DAB1: variants seen among roughly 807,000 people sequenced by gnomAD.
DAB1 encodes disabled homolog 1.
In DAB1, 15 loss-of-function variants were observed where a neutral mutation model predicts 64.6. The ratio of observed to expected loss-of-function variants is 0.23; its 90% CI spans 0.16 to 0.36. DAB1 has a LOEUF of 0.36. Among genes scored for constraint, DAB1 ranks in the 10% least tolerant of loss-of-function variants. DAB1 has a pLI of 1.00. For missense variants in DAB1, 596 were observed against 706.7 expected (o/e 0.84, Z 1.78); for synonymous variants, 235 against 251.9 (o/e 0.93, Z 0.64).
intron 5 of DAB1, among the ~76,000 whole-genome samples, chr1:58,126,982 G>A (rs1323793796): frequency 6.7e-6 from 1 of 149,522 alleles, no homozygotes; most frequent in Non-Finnish European, 1.5e-5. Context: ...CCAGTAATGG[G>A]ATGGCTGGGT....
chr1:58,056,510 G>A, intron 5 of DAB1: 1 of 1,131,892 alleles, frequency 8.8e-7, no homozygotes, highest in African/African-American at 1.5e-5. Flanking sequence ...GAGAGCTCAT[G>A]TGCATTCTTA....
chr1:57,289,355 GA>G (rs2100658598), intron 2 of DAB1, among the ~76,000 whole-genome samples: 1 of 152,342 alleles, frequency 6.6e-6, no homozygotes, highest in East Asian at 1.9e-4. Context: ...AGTTTCCACT[GA>G]AAAAGCATTT....
intron 7 of DAB1, among the ~76,000 whole-genome samples, chr1:57,496,131 T>C (rs1178078971): frequency 1.3e-5 from 2 of 152,236 alleles, no homozygotes; most frequent in Non-Finnish European, 2.9e-5. Flanking sequence ...GCAGTCTTAA[T>C]ACTGAAATAC....
At chr1:58,350,865 T>A (rs549400868) in intron 3 of DAB1, among the ~76,000 whole-genome samples, 2 of 152,206 alleles carry the variant, frequency 1.3e-5, no homozygotes, top group Non-Finnish European at 2.9e-5. Context: ...TATAGTCTTG[T>A]AGTATAGTTT....
intron 2 of DAB1, among the ~76,000 whole-genome samples, chr1:57,188,582 G>T (rs1663826980): frequency 6.6e-6 from 1 of 152,156 alleles, no homozygotes; most frequent in Non-Finnish European, 1.5e-5. Flanking sequence ...CATCAAAGAT[G>T]ATATGGTGTG....
chr1:57,136,741 T>C, intron 3 of DAB1, 100 bp from the exon 4 acceptor site: 1 of 573,290 alleles, frequency 1.7e-6, no homozygotes, highest in Non-Finnish European at 2.9e-6. Flanking sequence ...ATGCCACCAA[T>C]CATGCACACT....
At chr1:57,437,550 C>T (rs1228862705) in intron 7 of DAB1, among the ~76,000 whole-genome samples, 2 of 152,074 alleles carry the variant, frequency 1.3e-5, no homozygotes, top group South Asian at 2.1e-4. Flanking sequence ...AACTGTAATT[C>T]TTCATTGTGT....
intron 6 of DAB1, among the ~76,000 whole-genome samples, chr1:57,729,196 G>A (rs1393520350): frequency 1.3e-5 from 2 of 152,218 alleles, no homozygotes; most frequent in African/African-American, 4.8e-5. Context: ...TCCTGCCCTG[G>A]TGTGGGGCAA....
At chr1:58,295,680 A>G (rs1018868946) in intron 4 of DAB1, among the ~76,000 whole-genome samples, 1 of 152,112 alleles carries the variant, frequency 6.6e-6, no homozygotes, top group Non-Finnish European at 1.5e-5. Flanking sequence ...TATGCCCAGT[A>G]CAGAGGACAT....
At chr1:57,204,723 G>A (rs1044898111) in intron 2 of DAB1, among the ~76,000 whole-genome samples, 6 of 152,168 alleles carry the variant, frequency 3.9e-5, no homozygotes, top group Non-Finnish European at 7.3e-5. Flanking sequence ...TAAAATGTAC[G>A]TAAAGTATTT....
intron 6 of DAB1, among the ~76,000 whole-genome samples, chr1:57,751,101 A>G (rs1051232277): frequency 6.6e-6 from 1 of 152,154 alleles, no homozygotes; most frequent in Non-Finnish European, 1.5e-5. Context: ...ACCTGGTCCT[A>G]TGGTACACAA....
intron 5 of DAB1, among the ~76,000 whole-genome samples, chr1:57,984,587 G>C (rs1646166026): frequency 6.6e-6 from 1 of 152,152 alleles, no homozygotes; most frequent in African/African-American, 2.4e-5. Context: ...TCTAGAATTT[G>C]GAGGCAAGTT....
chr1:57,513,815 G>A (rs1459097966), intron 7 of DAB1, among the ~76,000 whole-genome samples: 1 of 152,104 alleles, frequency 6.6e-6, no homozygotes, highest in Non-Finnish European at 1.5e-5. Context: ...GAAATTTTGT[G>A]TTCTTTGACC....
At chr1:57,034,278 C>CAAA (rs375684000) in intron 9 of DAB1, among the ~76,000 whole-genome samples, 27 of 119,238 alleles carry the variant, frequency 2.3e-4, no homozygotes, top group African/African-American at 3.1e-4. Flanking sequence ...GACTCCATTT[C>CAAA]AAAAAAAAAA....
Position 58,216,518 on chromosome 1 carries a change from G to C in DAB1, n.310-65930C>G, listed in dbSNP as rs534343189. ...TGTGCATGTGTCTTTATAGTAGAAT[G>C]ATTTACAACCCTTTGGGTATATATC... On this transcript the variant is annotated intron_variant and non_coding_transcript_variant, in intron 4 of 20. Transcript: ENST00000485760. Among the ~76,000 whole-genome samples, 5 of 152,296 alleles carry C rather than the reference G, an allele frequency of 3.3e-5. No homozygotes were observed. The South Asian group carries it at 8.3e-4, about 25-fold the overall frequency.
intron 3 of DAB1, among the ~76,000 whole-genome samples, chr1:58,379,076 G>C (rs1264837220): frequency 1.3e-5 from 2 of 151,700 alleles, no homozygotes; most frequent in African/African-American, 2.4e-5. Context: ...TGCGCCCACT[G>C]TCTGGCACTC....
At chr1:57,293,595 C>T (rs1050629773) in intron 1 of DAB1, among the ~76,000 whole-genome samples, 2 of 152,062 alleles carry the variant, frequency 1.3e-5, no homozygotes, top group Non-Finnish European at 2.9e-5. Context: ...GGTATGTGAC[C>T]GAAAGTCTGT....
chr1:57,307,347 C>T (rs1391166464), intron 1 of DAB1: 1 of 152,182 alleles, frequency 6.6e-6, no homozygotes, highest in Admixed American at 6.5e-5. Flanking sequence ...CTATATTATG[C>T]TACCTTAATT....
intron 9 of DAB1, among the ~76,000 whole-genome samples, chr1:57,037,905 A>T (rs1647235168): frequency 6.6e-6 from 1 of 152,236 alleles, no homozygotes; most frequent in Non-Finnish European, 1.5e-5. Flanking sequence ...ACTTCTTGGG[A>T]TGATGTAAAG....
Sources: gnomAD v4.1 joint callset for allele counts (sites outside exome capture counted in the v4.1 genomes callset) on GRCh38, gnomAD v4.1.1 for gene constraint, MANE v1.5 for transcripts, NCBI Gene and HGNC (gene_info 2026-07-23, HGNC 2026-07-21) for gene names.